The following MDGA2 variants were observed in gnomAD, a reference collection of about 807,000 sequenced individuals.
MDGA2 encodes the protein MAM domain-containing glycosylphosphatidylinositol anchor protein 2.
A neutral mutation model predicts 117.8 loss-of-function variants in MDGA2; 40 were observed. The ratio of observed to expected loss-of-function variants is 0.34; its 90% CI spans 0.26 to 0.44. The LOEUF (loss-of-function observed/expected upper bound fraction) is 0.44, where lower values mean the gene tolerates loss of function less well. Among genes scored for constraint, MDGA2 ranks in the 20% least tolerant of loss-of-function variants. The pLI, the probability that MDGA2 is intolerant of heterozygous loss-of-function variation, is 1.00. For missense variants in MDGA2, 1,123 were observed against 1,250.6 expected, an observed-to-expected ratio of 0.90 and a Z score of 1.54; for synonymous variants, 452 against 439.0, an observed-to-expected ratio of 1.03 and a Z score of -0.37.
At chr14:46,874,327 C>A in intron 12 of MDGA2, 127 bp from the exon 13 acceptor site, 1 of 410,118 alleles carries the variant, frequency 2.4e-6, no homozygotes, top group Non-Finnish European at 4.1e-6. Context: ...GCATGAGAGC[C>A]ATAATGGTGC....
chr14:47,306,588 G>A (rs921733860), intron 1 of MDGA2, among the ~76,000 whole-genome samples: 2 of 152,122 alleles, frequency 1.3e-5, no homozygotes, highest in East Asian at 1.9e-4. Flanking sequence ...AATCCCTCAC[G>A]CAGCTATTCT....
At chr14:47,454,113 C>T (rs530960830) in intron 1 of MDGA2, among the ~76,000 whole-genome samples, 116 of 152,246 alleles carry the variant, frequency 7.6e-4, no homozygotes, top group African/African-American at 2.5e-3. Context: ...AAACGGCCCC[C>T]AATAGGGAGG....
intron 7 of MDGA2, among the ~76,000 whole-genome samples, chr14:47,048,603 C>A (rs1455464338): frequency 1.3e-5 from 2 of 152,024 alleles, no homozygotes; most frequent in Non-Finnish European, 2.9e-5. Flanking sequence ...TATGCCTTAT[C>A]CTGTAGAAAT....
intron 1 of MDGA2, among the ~76,000 whole-genome samples, chr14:47,581,437 T>C (rs183332704): frequency 1.3e-5 from 2 of 152,130 alleles, no homozygotes; most frequent in African/African-American, 2.4e-5. Flanking sequence ...AAATATAGTC[T>C]TTTAAAAAGA....
chr14:47,053,642 TATATATATATATAC>T (rs1288250630), intron 7 of MDGA2, among the ~76,000 whole-genome samples: 1,620 of 42,118 alleles, frequency 0.038, 56 homozygotes, highest in African/African-American at 0.095. Context: ...TATATATATA[TATATATATATATAC>T]ACACACACAC....
intron 1 of MDGA2, among the ~76,000 whole-genome samples, chr14:47,321,325 T>C (rs1889973295): frequency 6.6e-6 from 1 of 152,224 alleles, no homozygotes; most frequent in Non-Finnish European, 1.5e-5. Flanking sequence ...TAATAGCTTT[T>C]TGACACAGCT....
chr14:47,638,120 G>C (rs1041596111), intron 1 of MDGA2, among the ~76,000 whole-genome samples: 4 of 152,186 alleles, frequency 2.6e-5, no homozygotes, highest in Non-Finnish European at 5.9e-5. Context: ...GAAATACTCA[G>C]TAGAAAAGGG....
At chr14:47,651,252 A>T (rs79827383) in intron 1 of MDGA2, among the ~76,000 whole-genome samples, 3 of 119,200 alleles carry the variant, frequency 2.5e-5, no homozygotes, top group Admixed American at 8.3e-5. Context: ...GTGTGTGTGT[A>T]TACCCATAAA....
intron 1 of MDGA2, among the ~76,000 whole-genome samples, chr14:47,511,938 T>C (rs1894650408): frequency 6.6e-6 from 1 of 152,186 alleles, no homozygotes; most frequent in Non-Finnish European, 1.5e-5. Context: ...TTTGTGTGTG[T>C]GTGTATTTAA....
At chr14:47,307,271 G>A (rs1207276618) in intron 1 of MDGA2, among the ~76,000 whole-genome samples, 1 of 152,066 alleles carries the variant, frequency 6.6e-6, no homozygotes, top group Admixed American at 6.5e-5. Context: ...ATTCTAAACT[G>A]ATTTTTATAT....
chr14:46,966,124 T>A lies in MDGA2; in HGVS notation c.1820-8481A>T, dbSNP rs1477838554. Among the ~76,000 whole-genome samples, 21 of 152,114 alleles carry A rather than the reference T, an allele frequency of 1.4e-4. 1 individual carries two copies. Among genetic ancestry groups the A allele is most frequent in the Admixed American group, 1.4e-3 (21 of 15,242 alleles). ...GATTATATTTCTTGACACTGAATAT[T>A]TACTAAATGCTAGATACTGTGTTAA... is the stretch of plus-strand genomic sequence containing the variant. On this transcript the variant is annotated intron_variant, in intron 8 of 16. Coordinates refer to ENST00000399232, the MANE Select transcript of MDGA2 (RefSeq NM_001113498.3).
rs560012506 is a variant in MDGA2, at chr14:47,322,604, C to T, written c.281-21054G>A. Among the ~76,000 whole-genome samples the T allele has an allele frequency of 9.9e-5, 15 of 152,210 alleles. 1 individual carries two copies. Among genetic ancestry groups the T allele is most frequent in the African/African-American group, 2.9e-4 (12 of 41,534 alleles). The stretch of plus-strand genomic sequence containing the variant: ...AGCAGGCAGGACTTTTAATATGACA[C>T]GACCCAGAAAACGCAACCTGCACGT... On this transcript the variant is annotated intron_variant, in intron 1 of 16. Coordinates refer to ENST00000399232, the MANE Select transcript of MDGA2 (RefSeq NM_001113498.3).
intron 2 of MDGA2, among the ~76,000 whole-genome samples, chr14:47,300,245 T>C (rs1889230475): frequency 6.6e-6 from 1 of 152,196 alleles, no homozygotes; most frequent in Non-Finnish European, 1.5e-5. Flanking sequence ...GTAACACAAA[T>C]ACTTAAAATA....
chr14:47,040,209 G>C (rs1020316572), intron 7 of MDGA2, among the ~76,000 whole-genome samples: 3 of 152,156 alleles, frequency 2.0e-5, no homozygotes, highest in Non-Finnish European at 4.4e-5. Flanking sequence ...AGGTAATTGG[G>C]CACTAATTCA....
intron 1 of MDGA2, among the ~76,000 whole-genome samples, chr14:47,586,075 G>A (rs544287394): frequency 6.6e-6 from 1 of 152,000 alleles, no homozygotes; most frequent in Non-Finnish European, 1.5e-5. Flanking sequence ...ATATTGGACA[G>A]ATGTAAATAG....
intron 10 of MDGA2, among the ~76,000 whole-genome samples, chr14:46,904,827 C>A (rs1275167781): frequency 6.6e-6 from 1 of 152,142 alleles, no homozygotes; most frequent in Admixed American, 6.5e-5. Flanking sequence ...CAGGTGATTT[C>A]TCTATTGATA....
intron 5 of MDGA2, among the ~76,000 whole-genome samples, chr14:47,114,455 T>TA (rs1228442565): frequency 6.6e-6 from 1 of 151,956 alleles, no homozygotes; most frequent in East Asian, 1.9e-4. Context: ...AAAGAGCCCA[T>TA]ATAGCCAAGA....
chr14:47,208,910 G>C (rs918998290), intron 3 of MDGA2, among the ~76,000 whole-genome samples: 1 of 151,062 alleles, frequency 6.6e-6, no homozygotes, highest in African/African-American at 2.4e-5. Context: ...GCACACATTC[G>C]AATAGCCTTC....
intron 1 of MDGA2, among the ~76,000 whole-genome samples, chr14:47,496,246 TTTTA>T (rs1284786813): frequency 6.6e-6 from 1 of 152,026 alleles, no homozygotes; most frequent in Non-Finnish European, 1.5e-5. Context: ...GCTTACAAAA[TTTTA>T]TTTATTTTTA....
Sources: allele counts gnomAD v4.1 joint callset (sites outside exome capture counted in the v4.1 genomes callset), GRCh38; gene constraint gnomAD v4.1.1; transcripts MANE v1.5; gene names NCBI Gene and HGNC (gene_info 2026-07-23, HGNC 2026-07-21).